Variants in CTNNA2 observed in about 807,000 individuals in gnomAD.
CTNNA2 encodes catenin alpha 2.
Under a neutral mutation model 101.0 loss-of-function variants are expected in CTNNA2, and 42 were observed. The observed-to-expected ratio is 0.42, with a 90% CI of 0.32 to 0.54. The LOEUF is 0.54. Ranked by LOEUF, CTNNA2 falls within the 20% of genes least tolerant of loss-of-function variation. The pLI is 0.14. For synonymous variants in CTNNA2, 450 were observed against 456.4 expected, an observed-to-expected ratio of 0.99 and a Z score of 0.18; for missense variants, 871 against 1,223.1, an observed-to-expected ratio of 0.71 and a Z score of 4.29.
chr2:80,118,201 T>C (rs893235837), intron 7 of CTNNA2, among the ~76,000 whole-genome samples: 7 of 152,212 alleles, frequency 4.6e-5, no homozygotes, highest in African/African-American at 1.7e-4. Context: ...GGACTTTCCT[T>C]TTACCTGAAC....
intron 15 of CTNNA2, among the ~76,000 whole-genome samples, chr2:80,591,140 A>C: frequency 6.6e-6 from 1 of 152,190 alleles, no homozygotes; most frequent in Non-Finnish European, 1.5e-5. Flanking sequence ...CAGTTATGAA[A>C]GATATATTTG....
intron 9 of CTNNA2, among the ~76,000 whole-genome samples, chr2:80,527,351 A>G (rs1690133055): frequency 6.6e-6 from 1 of 152,200 alleles, no homozygotes; most frequent in Admixed American, 6.5e-5. Context: ...AGACTTGAGC[A>G]TGCTTTGGAG....
At chr2:79,192,189 T>G (rs1030279327) in intron 1 of CTNNA2, among the ~76,000 whole-genome samples, 1 of 152,114 alleles carries the variant, frequency 6.6e-6, no homozygotes, top group Non-Finnish European at 1.5e-5. Context: ...ACACCCATCA[T>G]GGCTAGAAAA....
At chr2:79,849,978 G>A (rs190869365) in intron 3 of CTNNA2, among the ~76,000 whole-genome samples, 92 of 152,242 alleles carry the variant, frequency 6.0e-4, no homozygotes, top group Non-Finnish European at 5.9e-5. Context: ...AAATTAATGT[G>A]CTACAATTAT....
chr2:80,094,945 G>C (rs547381678), intron 7 of CTNNA2, among the ~76,000 whole-genome samples: 2 of 152,298 alleles, frequency 1.3e-5, no homozygotes, highest in East Asian at 3.9e-4. Context: ...CATGTCATCT[G>C]CAAACAGGGA....
At chr2:79,418,532 A>G (rs1292956746) in intron 4 of CTNNA2, among the ~76,000 whole-genome samples, 1 of 152,168 alleles carries the variant, frequency 6.6e-6, no homozygotes, top group Non-Finnish European at 1.5e-5. Context: ...GTGGTTTCAA[A>G]GTCTTTCCTG....
At chr2:79,580,936 A>G (rs1676111306) in intron 1 of CTNNA2, among the ~76,000 whole-genome samples, 1 of 152,176 alleles carries the variant, frequency 6.6e-6, no homozygotes, top group South Asian at 2.1e-4. Context: ...GGAGTACTTG[A>G]TTTTACCACC....
At chr2:79,897,766 G>C (rs1684814874) in intron 6 of CTNNA2, among the ~76,000 whole-genome samples, 1 of 152,168 alleles carries the variant, frequency 6.6e-6, no homozygotes, top group African/African-American at 2.4e-5. Context: ...TTTCCTCACA[G>C]TTATAGCACT....
intron 3 of CTNNA2, among the ~76,000 whole-genome samples, chr2:79,800,256 C>T (rs1317735002): frequency 2.7e-5 from 4 of 145,976 alleles, no homozygotes; most frequent in East Asian, 2.0e-4. Flanking sequence ...CTGGGAAGCT[C>T]GCATGTTATA....
chr2:80,065,843 A>T (rs2148767046), intron 7 of CTNNA2, among the ~76,000 whole-genome samples: 1 of 152,260 alleles, frequency 6.6e-6, no homozygotes, highest in Non-Finnish European at 1.5e-5. Context: ...CTCTTTACCC[A>T]CCTTAGGAGT....
At chr2:80,182,607 A>G (rs1558881295) in intron 7 of CTNNA2, among the ~76,000 whole-genome samples, 1 of 152,218 alleles carries the variant, frequency 6.6e-6, no homozygotes, top group Non-Finnish European at 1.5e-5. Context: ...GCAGATCACA[A>G]TAGGCTCAAT....
At chr2:79,217,248 A>C (rs1463559318) in intron 2 of CTNNA2, among the ~76,000 whole-genome samples, 2 of 152,328 alleles carry the variant, frequency 1.3e-5, no homozygotes, top group East Asian at 3.9e-4. Flanking sequence ...AGCAAAGAGC[A>C]GGAGGACAGG....
Position 79,208,434 on chromosome 2 carries a change from T to C in CTNNA2, c.-406+10358T>C, listed in dbSNP as rs186454357. Among the ~76,000 whole-genome samples, 28 of 152,314 alleles carry C rather than the reference T, an allele frequency of 1.8e-4. No homozygotes were observed. In the East Asian group the frequency reaches 5.0e-3, roughly 27 times the overall value. ...TTAGAACAATTGTTTTTCAGCTAAATCTATATTCCTGTTAGTATGGGGGAT... is the reference window on the plus strand; with the variant it reads ...TTAGAACAATTGTTTTTCAGCTAAACCTATATTCCTGTTAGTATGGGGGAT... On this transcript the variant is annotated intron_variant, in intron 2 of 21. Transcript: ENST00000466387.
intron 7 of CTNNA2, among the ~76,000 whole-genome samples, chr2:80,018,457 C>T (rs966179676): frequency 6.6e-6 from 1 of 152,048 alleles, no homozygotes; most frequent in African/African-American, 2.4e-5. Flanking sequence ...GGAGTATTTA[C>T]ACAAAGGAAG....
chr2:79,455,998 T>G (rs999387696), intron 4 of CTNNA2, among the ~76,000 whole-genome samples: 1 of 152,204 alleles, frequency 6.6e-6, no homozygotes, highest in South Asian at 2.1e-4. Context: ...ATAAAGATTC[T>G]TAAAGCCATT....
chr2:79,854,896 C>T (rs942160402), intron 3 of CTNNA2, among the ~76,000 whole-genome samples: 1 of 152,148 alleles, frequency 6.6e-6, no homozygotes, highest in Admixed American at 6.5e-5. Context: ...AGAAAAAGCA[C>T]TTTTCTCTAC....
At chr2:79,274,883 T>C (rs1281289523) in intron 2 of CTNNA2, among the ~76,000 whole-genome samples, 3 of 152,044 alleles carry the variant, frequency 2.0e-5, no homozygotes, top group Non-Finnish European at 2.9e-5. Context: ...TCTTTAAGAA[T>C]TGCAAGCAGA....
At chr2:80,244,450 G>A (rs922921685) in intron 7 of CTNNA2, among the ~76,000 whole-genome samples, 1 of 152,204 alleles carries the variant, frequency 6.6e-6, no homozygotes, top group Non-Finnish European at 1.5e-5. Flanking sequence ...GGGGAAGCCT[G>A]GTTCTAGTCA....
intron 3 of CTNNA2, chr2:79,373,717 T>C (rs1224892527): frequency 6.6e-6 from 1 of 152,226 alleles, no homozygotes; most frequent in Non-Finnish European, 1.5e-5. Context: ...TGGTGTTGGA[T>C]GGCAGTGCAA....
Sources: gnomAD v4.1 joint callset for allele counts (sites outside exome capture counted in the v4.1 genomes callset) on GRCh38, gnomAD v4.1.1 for gene constraint, MANE v1.5 for transcripts, NCBI Gene and HGNC (gene_info 2026-07-23, HGNC 2026-07-21) for gene names.